The following TTC21B variants were observed in gnomAD, a reference collection of about 807,000 sequenced individuals.
TTC21B encodes tetratricopeptide repeat protein 21B.
In TTC21B, 127 loss-of-function variants were observed where a neutral mutation model predicts 175.1. The ratio of observed to expected loss-of-function variants is 0.73; its 90% CI spans 0.63 to 0.84. TTC21B has a LOEUF of 0.84. Among genes scored for constraint, TTC21B ranks in the 40% least tolerant of loss-of-function variants. The pLI is 0.00. For missense variants in TTC21B, 1,561 were observed against 1,558.3 expected, an observed-to-expected ratio of 1.00 and a Z score of -0.03; for synonymous variants, 524 against 524.5, an observed-to-expected ratio of 1.00 and a Z score of 0.01.
At chr2:165,898,511 C>A in intron 22 of TTC21B, 175 bp downstream of exon 22, 1 of 668,260 alleles carries the variant, frequency 1.5e-6, no homozygotes, top group Non-Finnish European at 2.7e-6. Context: ...GACCAGTCAA[C>A]AGTGTTGCAA....
intron 15 of TTC21B, 93 bp downstream of exon 15, chr2:165,915,108 T>C: frequency 1.0e-6 from 1 of 1,003,766 alleles, no homozygotes; most frequent in Non-Finnish European, 1.6e-6. Context: ...GTAAAGTATT[T>C]GTGAAGCAGT....
At chr2:165,908,557 A>G (rs1394904683) in intron 18 of TTC21B, among the ~76,000 whole-genome samples, 1 of 152,188 alleles carries the variant, frequency 6.6e-6, no homozygotes, top group Admixed American at 6.5e-5. Flanking sequence ...ATGACACGCC[A>G]TGCCACTTTA....
At position 165,915,312 on chromosome 2, in the gene TTC21B, A is replaced by G; in HGVS notation, c.2027T>C (p.Ile676Thr). ...CTGTTCGGCTGTAACATTCTGAAGG[A>G]TGCTTAAAGCCCGTTCAATATCTCC... ...AQGDIERALS[I>T]LQNVTAEQPY... The change falls in exon 15 of 29, where the codon ATC (isoleucine) becomes ACC (threonine). Residue 676 changes from isoleucine to threonine, a missense_variant. By Grantham distance (89) the Ile-to-Thr change is moderately conservative. Transcript: ENST00000243344. 1 of 1,614,104 alleles carries G rather than the reference A, an allele frequency of 6.2e-7. No homozygotes were observed.
chr2:165,917,138 CA>C (rs1450032384), intron 14 of TTC21B, 118 bp downstream of exon 14: 1 of 954,660 alleles, frequency 1.0e-6, no homozygotes. Flanking sequence ...CTCGGCCTCC[CA>C]AAGTGCTGGG....
At chr2:165,947,298 G>C (rs574214250) in intron 3 of TTC21B, 1 of 150,298 alleles carries the variant, frequency 6.7e-6, no homozygotes, top group South Asian at 2.1e-4. Flanking sequence ...GTTGCGGCCT[G>C]TGATTCCAAC....
At chr2:165,938,463 T>A (rs1687244271) in intron 6 of TTC21B, among the ~76,000 whole-genome samples, 1 of 152,122 alleles carries the variant, frequency 6.6e-6, no homozygotes, top group South Asian at 2.1e-4. Context: ...TCTGTCACTG[T>A]GATGAAAGAC....
intron 11 of TTC21B, among the ~76,000 whole-genome samples, chr2:165,926,435 C>A (rs1329155467): frequency 6.6e-6 from 1 of 152,158 alleles, no homozygotes; most frequent in Non-Finnish European, 1.5e-5. Context: ...GGGCTGGTCT[C>A]CTGTGGGATG....
intron 22 of TTC21B, among the ~76,000 whole-genome samples, chr2:165,891,247 T>C (rs530157661): frequency 3.3e-5 from 5 of 152,108 alleles, no homozygotes; most frequent in African/African-American, 4.8e-5. Context: ...GTAGCTTTTC[T>C]ATTGTTTGGG....
chr2:165,932,989 T>A lies in TTC21B; in HGVS notation c.779A>T (p.Glu260Val), dbSNP rs367784868. The A allele has an allele frequency of 5.0e-6, 8 of 1,612,730 alleles. No individual in the cohort carries two copies. In the African/African-American group the frequency reaches 8.0e-5, roughly 16 times the overall value. ...RMQALYYVCR[E>V]GDIEKASTKL... ...GCCACTTACCTTCTCTATATCCCCCTCTCTACACACATAGTAGAGTGCCTG... is the reference window on the plus strand; with the variant it reads ...GCCACTTACCTTCTCTATATCCCCCACTCTACACACATAGTAGAGTGCCTG... Residue 260 changes from glutamate (E) to valine (V), a missense_variant, in exon 7 of 29, where the codon GAG (glutamate) becomes GTG (valine). Glu to Val is a moderately radical substitution (Grantham distance 121). Transcript: ENST00000243344.
intron 13 of TTC21B, among the ~76,000 whole-genome samples, chr2:165,919,020 G>A (rs1200701059): frequency 2.0e-5 from 3 of 152,062 alleles, no homozygotes; most frequent in Non-Finnish European, 4.4e-5. Flanking sequence ...GAGTTTTACA[G>A]AAAAGAAAAC....
intron 1 of TTC21B, among the ~76,000 whole-genome samples, chr2:165,952,704 T>C (rs1285824754): frequency 6.6e-6 from 1 of 152,202 alleles, no homozygotes; most frequent in East Asian, 1.9e-4. Flanking sequence ...AATGTAAAAC[T>C]TCAGGCAGAA....
intron 6 of TTC21B, among the ~76,000 whole-genome samples, chr2:165,938,091 A>G (rs1462670766): frequency 2.2e-5 from 3 of 136,616 alleles, no homozygotes; most frequent in African/African-American, 8.6e-5. Context: ...AAGACTGTGC[A>G]ATTATAATGA....
At chr2:165,900,044 C>T (rs1256687953) in intron 20 of TTC21B, among the ~76,000 whole-genome samples, 164 bp from the exon 21 acceptor site, 3 of 143,020 alleles carry the variant, frequency 2.1e-5, no homozygotes, top group African/African-American at 7.7e-5. Flanking sequence ...GTATACCCAT[C>T]TCTATTTTCT....
chr2:165,880,751 G>A lies in TTC21B; in HGVS notation c.3733C>T (p.Gln1245Ter), dbSNP rs771927987. The A allele has an allele frequency of 3.1e-6, 5 of 1,613,132 alleles. No individual in the cohort carries two copies. Among genetic ancestry groups the A allele is most frequent in the Non-Finnish European group, 3.4e-6 (4 of 1,179,700 alleles). Reference protein sequence around the residue: ...EYMGYIMEKEQAYTDAALNYE... With the variant: ...EYMGYIMEKE The stretch of plus-strand genomic sequence containing the variant: ...TTCAAGGCAGCATCTGTATATGCTT[G>A]CTCTTTTTCCATAATGTATCCCATA... The change falls in exon 27 of 29, where the codon CAA becomes TAA. Residue 1245 changes from glutamine (Q) to a stop codon, truncating the protein, a stop_gained. Transcript: ENST00000243344. LOFTEE classifies it high-confidence loss of function.
At chr2:165,879,594 C>T (rs1010096556) in intron 27 of TTC21B, 6 of 152,042 alleles carry the variant, frequency 3.9e-5, no homozygotes, top group African/African-American at 1.4e-4. Context: ...TACAAATTGC[C>T]TAATCAAAAG....
intron 27 of TTC21B, among the ~76,000 whole-genome samples, chr2:165,876,933 G>A (rs916358809): frequency 6.6e-6 from 1 of 152,154 alleles, no homozygotes; most frequent in Non-Finnish European, 1.5e-5. Flanking sequence ...AGAGCACATA[G>A]GAGAGCGACA....
intron 14 of TTC21B, 79 bp from the exon 15 acceptor site, chr2:165,915,518 G>A (rs766092486): frequency 1.1e-5 from 12 of 1,095,104 alleles, no homozygotes; most frequent in Admixed American, 3.4e-5. Flanking sequence ...TTCTCATAAC[G>A]CAGAATGAAT....
chr2:165,927,694 A>G (rs1025107677), intron 11 of TTC21B, among the ~76,000 whole-genome samples: 4 of 151,942 alleles, frequency 2.6e-5, no homozygotes, highest in Non-Finnish European at 2.9e-5. Flanking sequence ...TCCAACTTCC[A>G]AGCAAGGGAA....
At chr2:165,946,101 G>A (rs572123246) in intron 3 of TTC21B, among the ~76,000 whole-genome samples, 10 of 151,798 alleles carry the variant, frequency 6.6e-5, no homozygotes, top group African/African-American at 1.5e-4. Flanking sequence ...CAAGGCGGGC[G>A]GATCACGAGG....
Sources: gnomAD v4.1 joint callset for allele counts (sites outside exome capture counted in the v4.1 genomes callset) on GRCh38, gnomAD v4.1.1 for gene constraint, MANE v1.5 for transcripts, NCBI Gene and HGNC (gene_info 2026-07-23, HGNC 2026-07-21) for gene names.